G3BP1: variants seen among roughly 807,000 people sequenced by gnomAD.
G3BP1 encodes the protein ras GTPase-activating protein-binding protein 1.
G3BP1 carries 35 observed loss-of-function variants against 58.6 expected under a neutral mutation model. That is an observed-to-expected ratio of 0.60 (90% CI 0.46 to 0.79). The LOEUF (loss-of-function observed/expected upper bound fraction) is 0.79. G3BP1 is among the 30% of genes least tolerant of loss of function. G3BP1 has a pLI of 0.00. For synonymous variants in G3BP1, 191 were observed against 195.4 expected, an observed-to-expected ratio of 0.98 and a Z score of 0.19; for missense variants, 523 against 580.8, an observed-to-expected ratio of 0.90 and a Z score of 1.02.
At chr5:151,792,831 T>C (rs1248888823) in intron 4 of G3BP1, among the ~76,000 whole-genome samples, 1 of 152,158 alleles carries the variant, frequency 6.6e-6, no homozygotes, top group African/African-American at 2.4e-5. Context: ...CCCAGGCTAG[T>C]CTCAAACTCC....
chr5:151,784,594 A>T (rs534402555), intron 1 of G3BP1, among the ~76,000 whole-genome samples: 1 of 152,308 alleles, frequency 6.6e-6, no homozygotes, highest in African/African-American at 2.4e-5. Context: ...TGTATTCTTT[A>T]TTCAGTATGT....
chr5:151,797,297 C>G lies in G3BP1; in HGVS notation c.610C>G (p.Gln204Glu). Reference sequence around the variant, plus strand: ...GCCTGATCCTGAACCAGAACCAGAACAAGAACCTGTATCTGAAATCCAAGA... The same window carrying G: ...GCCTGATCCTGAACCAGAACCAGAAGAAGAACCTGTATCTGAAATCCAAGA... ...PEPDPEPEPE[Q>E]EPVSEIQEEK... Residue 204 changes from glutamine (Q) to glutamate (E), a missense_variant, in exon 7 of 12, where the codon CAA (glutamine) becomes GAA (glutamate). Coordinates refer to ENST00000356245, the MANE Select transcript of G3BP1 (RefSeq NM_005754.3). 6.2e-7 allele frequency: 1 copy of G among 1,612,924 alleles called. No individual in the cohort carries two copies. Among genetic ancestry groups the G allele is most frequent in the Non-Finnish European group, 8.5e-7 (1 of 1,178,932 alleles).
Position 151,809,781 on chromosome 5 carries a change from G to A in G3BP1, c.*5690G>A, listed in dbSNP as rs1762990649. On this transcript the variant is annotated 3_prime_UTR_variant, in exon 12 of 12. Transcript: ENST00000356245. ...AAGTTTGTCAGGAGAAAAAGGGAAG[G>A]TATCACTTTTTGTATGTTCACCCAG... The A allele has an allele frequency of 6.6e-6, 1 of 152,242 alleles. No individual in the cohort carries two copies. The highest frequency in any genetic ancestry group is 6.5e-5 in the Admixed American group (1 of 15,296). The allele number at this position is 152,242 out of a possible 1,614,324, so 9.4% of individuals were successfully genotyped here. A position where few individuals can be genotyped will look rare whatever the true frequency, so the allele number is the denominator to read the frequency against.
chr5:151,782,972 C>A (rs1762497512), intron 1 of G3BP1, among the ~76,000 whole-genome samples: 1 of 150,822 alleles, frequency 6.6e-6, no homozygotes, highest in African/African-American at 2.4e-5. Context: ...ATTCTCCTGC[C>A]TCAGCCTCCT....
rs1317045458 is a variant in G3BP1, at chr5:151,797,391, C to G, written c.704C>G (p.Pro235Arg). ...EDAQKSSSPA[P>R]ADIAQTVQED... ...GCTCAGAAGAGTTCTTCTCCAGCAC[C>G]TGCAGACATAGCTCAGACAGTACAG... is the stretch of plus-strand genomic sequence containing the variant. Residue 235 changes from proline (P) to arginine (R), a missense_variant, in exon 7 of 12, where the codon CCT (proline) becomes CGT (arginine). Around this residue, in one of 2 missense-constraint regions of G3BP1, gnomAD observed 398 missense variants for 399.1 expected, o/e 1.00. Transcript: ENST00000356245. The G allele has an allele frequency of 6.2e-7, 1 of 1,612,954 alleles. No individual in the cohort carries two copies. The highest frequency in any genetic ancestry group is 8.5e-7 in the Non-Finnish European group (1 of 1,178,966).
intron 5 of G3BP1, 133 bp from the exon 6 acceptor site, chr5:151,795,346 A>C: frequency 1.7e-6 from 1 of 591,098 alleles, no homozygotes; most frequent in East Asian, 2.9e-5. Context: ...CAGTGCCATG[A>C]TTTTACCAAA....
rs753759430 is a variant in G3BP1 at position 151,794,269 on chromosome 5, A to C, written c.442+20A>C. On this transcript the variant is annotated intron_variant, in intron 5 of 11. Coordinates refer to ENST00000356245, the MANE Select transcript of G3BP1 (RefSeq NM_005754.3). ...AGGAGGGTAAGTAGTGAAATACTTT[A>C]AATTACTTGTCTAAATTTTTTTTAA... The C allele has an allele frequency of 7.0e-7, 1 of 1,433,324 alleles. No homozygotes were observed. Among genetic ancestry groups the C allele is most frequent in the African/African-American group, 1.4e-5 (1 of 71,284 alleles). The allele number at this position is 1,433,324 out of a possible 1,614,324, so 88.8% of individuals were successfully genotyped here.
rs990032206 is a variant in G3BP1 at position 151,810,168 on chromosome 5, C to T, written c.*6077C>T. ...TCTTAATATTACTTTTGAGTTATTT[C>T]TCCCACTCTTCATGGAAGTGATGCT... On this transcript the variant is annotated 3_prime_UTR_variant, in exon 12 of 12. Transcript: ENST00000356245. 3.3e-5 allele frequency: 5 copies of T among 152,132 alleles called. No homozygotes were observed. Among genetic ancestry groups the T allele is most frequent in the Admixed American group, 2.6e-4 (4 of 15,284 alleles). The allele number at this position is 152,132 out of a possible 1,614,324, so 9.4% of individuals were successfully genotyped here. A position where few individuals can be genotyped will look rare whatever the true frequency, so the allele number is the denominator to read the frequency against.
rs765147929 is a variant in G3BP1 at position 151,795,538 on chromosome 5, G to A, written c.502G>A (p.Asp168Asn). Residue 168 changes from aspartate (D) to asparagine (N), a missense_variant, in exon 6 of 12, where the codon GAT becomes AAT. Coordinates refer to ENST00000356245, the MANE Select transcript of G3BP1 (RefSeq NM_005754.3). ...ACAGCAAACACCTGAGGTGGTACCT[G>A]ATGATTCTGGAACTTTCTATGATCA... is the stretch of plus-strand genomic sequence containing the variant. ...ERQQTPEVVP[D>N]DSGTFYDQAV... is the part of the protein sequence containing the mutation. The A allele has an allele frequency of 3.1e-6, 5 of 1,606,674 alleles. No individual in the cohort carries two copies. The highest frequency in any genetic ancestry group is 3.4e-6 in the Non-Finnish European group (4 of 1,173,736).
chr5:151,800,905 T>TC lies in G3BP1; in HGVS notation c.1194+36_1194+37insC, dbSNP rs1762838990. On this transcript the variant is annotated intron_variant, in intron 11 of 11. Transcript: ENST00000356245. ...TTTTGTCTTGATTTTTTTTTTTTTT[T>TC]TTTAAAAAGGGTTTTGGTTCTTTAG... The TC allele has an allele frequency of 1.3e-5, 14 of 1,091,012 alleles. No individual in the cohort carries two copies. In the East Asian group the frequency reaches 3.3e-4, roughly 26 times the overall value. 67.6% of individuals were successfully genotyped at this position (1,091,012 alleles called of 1,614,324 possible).
At chr5:151,783,120 G>C (rs1207947103) in intron 1 of G3BP1, among the ~76,000 whole-genome samples, 1 of 152,070 alleles carries the variant, frequency 6.6e-6, no homozygotes, top group Non-Finnish European at 1.5e-5. Flanking sequence ...GTGTCCCAAA[G>C]TGCTGGGGTT....
chr5:151,793,831 C>CAAAAAAAAAA (rs751382380), intron 4 of G3BP1, among the ~76,000 whole-genome samples: 11 of 97,778 alleles, frequency 1.1e-4, no homozygotes, highest in South Asian at 3.2e-4. Flanking sequence ...CGTCTCTACT[C>CAAAAAAAAAA]AAAAAAAAAA....
intron 5 of G3BP1, 25 bp from the exon 6 acceptor site, chr5:151,795,454 C>T: frequency 8.1e-7 from 1 of 1,228,750 alleles, no homozygotes; most frequent in African/African-American, 1.5e-5. Context: ...GTACAAATTA[C>T]TTTAAATATC....
chr5:151,785,179 C>T (rs1762536960), intron 1 of G3BP1, among the ~76,000 whole-genome samples: 1 of 152,144 alleles, frequency 6.6e-6, no homozygotes, highest in Admixed American at 6.5e-5. Context: ...TAGTCTAAGA[C>T]TTAGGATCTA....
intron 4 of G3BP1, chr5:151,792,321 A>G (rs1167851245): frequency 8.8e-6 from 2 of 227,666 alleles, no homozygotes; most frequent in East Asian, 2.7e-4. Flanking sequence ...GCAAACCTGA[A>G]ACGCCTAAAA....
chr5:151,784,508 C>T (rs1762525877), intron 1 of G3BP1, among the ~76,000 whole-genome samples: 1 of 152,130 alleles, frequency 6.6e-6, no homozygotes, highest in Admixed American at 6.5e-5. Flanking sequence ...ATGTGTCAGA[C>T]ATTAAGTTTT....
intron 1 of G3BP1, among the ~76,000 whole-genome samples, chr5:151,780,518 T>A (rs1446600296): frequency 6.6e-6 from 1 of 152,134 alleles, no homozygotes; most frequent in Non-Finnish European, 1.5e-5. Flanking sequence ...TATTTCCCCC[T>A]CCGCCGCTAG....
At chr5:151,796,153 A>T (rs1179490097) in intron 6 of G3BP1, among the ~76,000 whole-genome samples, 1 of 152,204 alleles carries the variant, frequency 6.6e-6, no homozygotes, top group Non-Finnish European at 1.5e-5. Context: ...GTGTTTCTTA[A>T]GGTGTGATGA....
intron 2 of G3BP1, among the ~76,000 whole-genome samples, chr5:151,788,414 T>G (rs1762587984): frequency 6.6e-6 from 1 of 151,600 alleles, no homozygotes; most frequent in Non-Finnish European, 1.5e-5. Context: ...TCTTTCTTTT[T>G]TTTTGAGACA....
Sources: allele counts gnomAD v4.1 joint callset (sites outside exome capture counted in the v4.1 genomes callset), GRCh38; gene constraint gnomAD v4.1.1; regional missense constraint gnomAD v4.1.1; transcripts MANE v1.5; gene names NCBI Gene and HGNC (gene_info 2026-07-23, HGNC 2026-07-21).